TBL2: variants seen among roughly 807,000 people sequenced by gnomAD.
The protein encoded by TBL2 is transducin beta like 2.
TBL2 carries 33 observed loss-of-function variants against 41.8 expected under a neutral mutation model. That is an observed-to-expected ratio of 0.79 (90% CI 0.60 to 1.06). The LOEUF (loss-of-function observed/expected upper bound fraction) is 1.06, where lower values mean the gene tolerates loss of function less well. TBL2 is among the 50% of genes least tolerant of loss of function. The probability of loss-of-function intolerance (pLI) is 0.00; values close to 1 mark genes in which losing one functional copy is unlikely to be tolerated. For synonymous variants in TBL2, 239 were observed against 241.7 expected (o/e 0.99, Z 0.10); for missense variants, 522 against 603.8 (o/e 0.86, Z 1.42).
chr7:73,578,350 A>C (rs1554589430), intron 1 of TBL2, 70 bp downstream of exon 1: 1 of 1,534,504 alleles, frequency 6.5e-7, no homozygotes, highest in Non-Finnish European at 8.7e-7. Context: ...CCCAAACCGC[A>C]GGTCGGACCA....
chr7:73,568,314 A>C lies in TBL2; in HGVS notation c.*2193T>G, dbSNP rs1393653180. Among the ~76,000 whole-genome samples, 1 of 152,196 alleles carries C rather than the reference A, an allele frequency of 6.6e-6. No individual in the cohort carries two copies. Among genetic ancestry groups the C allele is most frequent in the African/African-American group, 2.4e-5 (1 of 41,446 alleles). On this transcript the variant is annotated 3_prime_UTR_variant, in exon 7 of 7. Transcript: ENST00000305632. ...AACAGTGAGCCAGAAGCTGCCAATAAGAGAGTAGTGGACTGCATCGGGCCG... is the reference window on the plus strand; with the variant it reads ...AACAGTGAGCCAGAAGCTGCCAATACGAGAGTAGTGGACTGCATCGGGCCG...
At chr7:73,577,264 C>CCCCAAAAA (rs782149543) in intron 1 of TBL2, among the ~76,000 whole-genome samples, 1 of 98,116 alleles carries the variant, frequency 1.0e-5, no homozygotes, top group Non-Finnish European at 1.9e-5. Flanking sequence ...CGTCCCCCTG[C>CCCCAAAAA]AAAAAAAAAA....
chr7:73,571,457 C>A (rs2037823065), intron 5 of TBL2, 116 bp from the exon 6 acceptor site: 1 of 1,445,982 alleles, frequency 6.9e-7, no homozygotes, highest in African/African-American at 1.4e-5. Context: ...ATAATATAAA[C>A]CTTTAAAGAG....
In TBL2 at chr7:73,570,822, G is replaced by T; in HGVS notation, c.1029C>A (p.Ala343=). 6.2e-7 allele frequency: 1 copy of T among 1,613,990 alleles called. No homozygotes were observed. Among genetic ancestry groups the T allele is most frequent in the Non-Finnish European group, 8.5e-7 (1 of 1,180,050 alleles). Residue 343 remains alanine (A), a synonymous_variant, in exon 7 of 7, where the codon GCC becomes GCA. Transcript: ENST00000305632. ...TGCCACTGGCCAAGGCCAAGACCTGGGCGTTGGGGGAGAGGGCCAGGCGGC... is the reference window on the plus strand; with the variant it reads ...TGCCACTGGCCAAGGCCAAGACCTGTGCGTTGGGGGAGAGGGCCAGGCGGC... The part of the protein sequence containing the change: ...APCRLALSPN[A]QVLALASGSS...
Position 73,578,301 on chromosome 7 carries a change from C to A in TBL2, c.130+119G>T, listed in dbSNP as rs781919356. ...GAAGCTCACGTTACCAGAGGAGAAA[C>A]TGAGGCCCATGGAGTCGCCGGGCCC... On this transcript the variant is annotated intron_variant, in intron 1 of 6. Coordinates refer to ENST00000305632, the MANE Select transcript of TBL2 (RefSeq NM_012453.4). The A allele has an allele frequency of 3.3e-6, 5 of 1,535,932 alleles. No homozygotes were observed. In the South Asian group the frequency reaches 3.6e-5, roughly 11 times the overall value.
intron 1 of TBL2, among the ~76,000 whole-genome samples, chr7:73,577,227 T>G (rs1292774450): frequency 8.3e-6 from 1 of 120,700 alleles, no homozygotes; most frequent in Admixed American, 1.1e-4. Flanking sequence ...GCCACTAGAC[T>G]CCAGATTGGG....
Position 73,577,346 on chromosome 7 carries a change from C to T in TBL2, c.130+1074G>A, listed in dbSNP as rs117974185. On this transcript the variant is annotated intron_variant, in intron 1 of 6. Coordinates refer to ENST00000305632, the MANE Select transcript of TBL2 (RefSeq NM_012453.4). Reference sequence around the variant, plus strand: ...ATCTCAGCACTTTTGGAGGCCAGGACGAGTGGATCACCTGAGATCAGGCGT... The same window carrying T: ...ATCTCAGCACTTTTGGAGGCCAGGATGAGTGGATCACCTGAGATCAGGCGT... Among the ~76,000 whole-genome samples the T allele has an allele frequency of 5.0e-3, 763 of 151,122 alleles. 8 individuals carry two copies. The highest frequency in any genetic ancestry group is 8.5e-3 in the Non-Finnish European group (580 of 67,926).
chr7:73,571,466 A>T, intron 5 of TBL2, 125 bp from the exon 6 acceptor site: 2 of 1,406,812 alleles, frequency 1.4e-6, no homozygotes, highest in Non-Finnish European at 1.9e-6. Flanking sequence ...ACCTTTAAAG[A>T]GTTATTTTGG....
chr7:73,572,749 C>T (rs2115952323), intron 5 of TBL2, 95 bp downstream of exon 5: 3 of 1,571,086 alleles, frequency 1.9e-6, no homozygotes, highest in Non-Finnish European at 2.6e-6. Context: ...ACCCCGTATG[C>T]TCTTCCCACG....
In TBL2 at chr7:73,578,448, C is replaced by T. The variant is rs1554589498; in HGVS notation, c.102G>A (p.Ala34=). 1 of 1,545,992 alleles carries T rather than the reference C, an allele frequency of 6.5e-7. No homozygotes were observed. The highest frequency in any genetic ancestry group is 1.2e-5 in the South Asian group (1 of 83,928). Residue 34 remains alanine, a synonymous_variant, in exon 1 of 7, where the codon GCG becomes GCA. Coordinates refer to ENST00000305632, the MANE Select transcript of TBL2 (RefSeq NM_012453.4). ...CGGGCCGGCCGCTCCTCTCCTCCCCCGCGCGCAGCCACCCCCGCGCTACCG... is the reference window on the plus strand; with the variant it reads ...CGGGCCGGCCGCTCCTCTCCTCCCCTGCGCGCAGCCACCCCCGCGCTACCG... ...TAAVARGWLR[A]GEERSGRPAC...
chr7:73,569,616 ATC>A lies in TBL2; in HGVS notation c.*889_*890del, dbSNP rs1208750910. 2.0e-5 allele frequency: 3 copies of A among 152,186 alleles called. No individual in the cohort carries two copies. Among genetic ancestry groups the A allele is most frequent in the Non-Finnish European group, 2.9e-5 (2 of 68,050 alleles). The allele number at this position is 152,186 out of a possible 1,614,324, so 9.4% of individuals were successfully genotyped here. On this transcript the variant is annotated 3_prime_UTR_variant, in exon 7 of 7. Coordinates refer to ENST00000305632, the MANE Select transcript of TBL2 (RefSeq NM_012453.4). ...AACACAAAGCACTTAATAAGGGTGT[ATC>A]TCTCTCTCCCACCAGCCATCTTTGA...
At chr7:73,574,821 CAAACAGA>C (rs1417832058) in intron 1 of TBL2, 1 of 448,174 alleles carries the variant, frequency 2.2e-6, no homozygotes, top group African/African-American at 2.0e-5. Context: ...CAAAAAAAAA[CAAACAGA>C]AAACAGAAAC....
Position 73,570,719 on chromosome 7 carries a change from T to C in TBL2, c.1132A>G (p.Asn378Asp), listed in dbSNP as rs1792877540. The C allele has an allele frequency of 6.2e-7, 1 of 1,614,040 alleles. No homozygotes were observed. Among genetic ancestry groups the C allele is most frequent in the African/African-American group, 1.3e-5 (1 of 74,944 alleles). The stretch of plus-strand genomic sequence containing the variant: ...CGGCCAGTGATGTCAAAGGACAAGT[T>C]GGCGATACACTCGCCATGGACCCGC... ...FERVHGECIA[N>D]LSFDITGRFL... Residue 378 changes from asparagine to aspartate, a missense_variant, in exon 7 of 7, where the codon AAC becomes GAC. Asn to Asp is a conservative substitution (Grantham distance 23). Coordinates refer to ENST00000305632, the MANE Select transcript of TBL2 (RefSeq NM_012453.4).
intron 1 of TBL2, chr7:73,574,884 A>G (rs1793203711): frequency 8.1e-6 from 3 of 368,312 alleles, no homozygotes; most frequent in Non-Finnish European, 1.1e-5. Context: ...TTCTGTCTCT[A>G]CTACTGACTG....
intron 5 of TBL2, 61 bp from the exon 6 acceptor site, chr7:73,571,402 C>T: frequency 6.2e-7 from 1 of 1,600,398 alleles, no homozygotes; most frequent in South Asian, 1.1e-5. Context: ...TCCTGTAAAA[C>T]CCCTCAATCT....
At position 73,573,984 on chromosome 7, in the gene TBL2, C is replaced by T. The variant is rs375584679; in HGVS notation, c.400G>A (p.Val134Met). 11 of 1,614,048 alleles carry T rather than the reference C, an allele frequency of 6.8e-6. No homozygotes were observed. The highest frequency in any genetic ancestry group is 3.3e-5 in the South Asian group (3 of 91,096). Reference sequence around the variant, plus strand: ...ACCAGGGTGGCGTGGTCCAGCTCCACGTTGGCTCTCATGCTGCGGTGCTCT... The same window carrying T: ...ACCAGGGTGGCGTGGTCCAGCTCCATGTTGGCTCTCATGCTGCGGTGCTCT... ...QREHRSMRAN[V>M]ELDHATLVRF... Residue 134 changes from valine to methionine, a missense_variant, in exon 3 of 7, where the codon GTG becomes ATG. Physicochemically the swap from Val to Met is conservative, Grantham distance 21. Coordinates refer to ENST00000305632, the MANE Select transcript of TBL2 (RefSeq NM_012453.4).
chr7:73,570,991 C>A lies in TBL2; in HGVS notation c.879-19G>T. 6.3e-7 allele frequency: 1 copy of A among 1,582,272 alleles called. No individual in the cohort carries two copies. Among genetic ancestry groups the A allele is most frequent in the Non-Finnish European group, 8.6e-7 (1 of 1,162,876 alleles). On this transcript the variant is annotated intron_variant, in intron 6 of 6. Coordinates refer to ENST00000305632, the MANE Select transcript of TBL2 (RefSeq NM_012453.4). Reference sequence around the variant, plus strand: ...AGCCATCCTGCAACACAGAAAATCACAGCTCAAGCCCCAACACACCCTGGC... The same window carrying A: ...AGCCATCCTGCAACACAGAAAATCAAAGCTCAAGCCCCAACACACCCTGGC...
In TBL2 at chr7:73,573,963, G is replaced by C. The variant is rs782262287; in HGVS notation, c.421C>G (p.Leu141Val). Residue 141 changes from leucine (L) to valine (V), a missense_variant, in exon 3 of 7, where the codon CTG becomes GTG. Leu to Val is a conservative substitution (Grantham distance 32). Transcript: ENST00000305632. ...CTGCAGTCAGGGCTGAAGCGCACCA[G>C]GGTGGCGTGGTCCAGCTCCACGTTG... is the stretch of plus-strand genomic sequence containing the variant. Reference protein sequence around the residue: ...RANVELDHATLVRFSPDCRAF... With the variant: ...RANVELDHATVVRFSPDCRAF... The C allele has an allele frequency of 6.2e-7, 1 of 1,613,904 alleles. No homozygotes were observed. Among genetic ancestry groups the C allele is most frequent in the Non-Finnish European group, 8.5e-7 (1 of 1,180,022 alleles).
intron 5 of TBL2, chr7:73,571,778 A>G (rs1792972208): frequency 1.3e-5 from 2 of 149,654 alleles, no homozygotes; most frequent in Non-Finnish European, 2.8e-5. Context: ...AAAAAAAAAA[A>G]GGCCGGGTGT....
Sources: allele counts gnomAD v4.1 joint callset (sites outside exome capture counted in the v4.1 genomes callset), GRCh38; gene constraint gnomAD v4.1.1; transcripts MANE v1.5; gene names NCBI Gene and HGNC (gene_info 2026-07-23, HGNC 2026-07-21).